Variants in CYTH4 observed in about 807,000 individuals in gnomAD.
CYTH4 encodes the protein cytohesin 4.
Under a neutral mutation model 57.5 loss-of-function variants are expected in CYTH4, and 22 were observed. That is an observed-to-expected ratio of 0.38 (90% CI 0.27 to 0.55). CYTH4 has a LOEUF of 0.55. Ranked by LOEUF, CYTH4 falls within the 20% of genes least tolerant of loss-of-function variation. The probability of loss-of-function intolerance (pLI) is 0.74; values close to 1 mark genes in which losing one functional copy is unlikely to be tolerated. For missense variants in CYTH4, 420 were observed against 535.6 expected (o/e 0.78, Z 2.13); for synonymous variants, 186 against 206.5 (o/e 0.90, Z 0.85).
At chr22:37,292,543 A>G in intron 1 of CYTH4, 78 bp from the exon 2 acceptor site, 1 of 1,464,368 alleles carries the variant, frequency 6.8e-7, no homozygotes, top group Non-Finnish European at 9.5e-7. Flanking sequence ...TTCCGGAGGG[A>G]AGGGGGCCCT....
At position 37,311,320 on chromosome 22, in the gene CYTH4, G is replaced by T; in HGVS notation, c.886-136G>T. The T allele has an allele frequency of 2.4e-6, 2 of 822,266 alleles. No individual in the cohort carries two copies. The highest frequency in any genetic ancestry group is 3.1e-5 in the South Asian group (2 of 64,174). The allele number at this position is 822,266 out of a possible 1,614,324, so 50.9% of individuals were successfully genotyped here. A position where few individuals can be genotyped will look rare whatever the true frequency, so the allele number is the denominator to read the frequency against. On this transcript the variant is annotated intron_variant, in intron 10 of 12. Transcript: ENST00000248901. The surrounding 1 kb of genome is among the most constrained non-coding windows in gnomAD (Gnocchi z 4.4). ...TCTTCACATGCTGCTTCTAACTTCC[G>T]TCCCCCTATGACTGGACAGTCTCGG...
In CYTH4 at chr22:37,296,051, A is replaced by G. The variant is rs16998061; in HGVS notation, c.220A>G (p.Met74Val). 3.7e-3 allele frequency: 5,992 copies of G among 1,613,002 alleles called. 199 individuals carry two copies. The African/African-American group carries it at 0.07, about 19-fold the overall frequency. Reference protein sequence around the residue: ...ELCIGRKKFNMDPAKGIQYFI... With the variant: ...ELCIGRKKFNVDPAKGIQYFI... The stretch of plus-strand genomic sequence containing the variant: ...GTGTATTGGGCGCAAGAAGTTCAAC[A>G]TGGACCCCGCCAAGGTAGGTGGCTG... Residue 74 changes from methionine (M) to valine (V), a missense_variant, in exon 4 of 13, where the codon ATG becomes GTG. Physicochemically the swap from Met to Val is conservative, Grantham distance 21. Coordinates refer to ENST00000248901, the MANE Select transcript of CYTH4 (RefSeq NM_013385.5).
intron 2 of CYTH4, among the ~76,000 whole-genome samples, chr22:37,293,112 C>A (rs911999645): frequency 6.6e-6 from 1 of 152,230 alleles, no homozygotes; most frequent in African/African-American, 2.4e-5. Flanking sequence ...GACGTCAGCT[C>A]ATCTGGGTCA....
At chr22:37,308,810 A>C (rs1218581888) in intron 8 of CYTH4, among the ~76,000 whole-genome samples, 2 of 151,756 alleles carry the variant, frequency 1.3e-5, no homozygotes, top group Non-Finnish European at 2.9e-5. Context: ...ATGTGTGTGC[A>C]TGTATGTGTG....
At chr22:37,310,185 C>CCCCA (rs1929589708) in intron 9 of CYTH4, among the ~76,000 whole-genome samples, 2 of 152,166 alleles carry the variant, frequency 1.3e-5, no homozygotes, top group Non-Finnish European at 2.9e-5. Context: ...CCACACCACA[C>CCCCA]CCCAGTCCAT....
In CYTH4 at chr22:37,299,298, G is replaced by C; in HGVS notation, c.426G>C (p.Gln142His). Reference sequence around the variant, plus strand: ...AGTTCGCCAACCTCAACCTCGTCCAGGCCCTCAGGTGAGTAGTCCTGGGGC... The same window carrying C: ...AGTTCGCCAACCTCAACCTCGTCCACGCCCTCAGGTGAGTAGTCCTGGGGC... ...CHEFANLNLV[Q>H]ALRQFLWSFR... The change falls in exon 6 of 13, where the codon CAG (glutamine) becomes CAC (histidine). Residue 142 changes from glutamine to histidine, a missense_variant. By Grantham distance (24) the Gln-to-His change is conservative. Transcript: ENST00000248901. 2 of 1,613,846 alleles carry C rather than the reference G, an allele frequency of 1.2e-6. No individual in the cohort carries two copies. Among genetic ancestry groups the C allele is most frequent in the Non-Finnish European group, 8.5e-7 (1 of 1,179,834 alleles).
chr22:37,309,951 C>T (rs779073105), intron 9 of CYTH4: 11 of 459,662 alleles, frequency 2.4e-5, no homozygotes, highest in African/African-American at 6.0e-5. Context: ...AGTGCCCGGC[C>T]GTCTGCCCCT....
chr22:37,313,984 CG>C lies in CYTH4; in HGVS notation c.*476del, dbSNP rs1929752307. On this transcript the variant is annotated 3_prime_UTR_variant, in exon 13 of 13. Transcript: ENST00000248901. ...TCTCTGCCAACCCCTCCCCTGTCCT[CG>C]GGTTGGGCTTGGCCCTCTCTGCCTG... The C allele has an allele frequency of 8.0e-6, 2 of 249,182 alleles. No homozygotes were observed. Among genetic ancestry groups the C allele is most frequent in the Non-Finnish European group, 1.5e-5 (2 of 129,502 alleles). 15.4% of individuals were successfully genotyped at this position (249,182 alleles called of 1,614,324 possible). A position where few individuals can be genotyped will look rare whatever the true frequency, so the allele number is the denominator to read the frequency against.
chr22:37,290,722 A>T (rs1314615023), intron 1 of CYTH4, among the ~76,000 whole-genome samples: 3 of 152,126 alleles, frequency 2.0e-5, no homozygotes, highest in Admixed American at 1.3e-4. Flanking sequence ...GTTATCCAGG[A>T]TGGTCTCGAT....
chr22:37,306,129 G>C (rs1016348873), intron 8 of CYTH4, among the ~76,000 whole-genome samples: 4 of 152,204 alleles, frequency 2.6e-5, no homozygotes, highest in Non-Finnish European at 4.4e-5. Context: ...CAGGCGCCTG[G>C]CACTTGGCAG....
Position 37,311,830 on chromosome 22 carries a change from G to A in CYTH4, c.958-190G>A. 1.3e-6 allele frequency: 1 copy of A among 776,736 alleles called. No individual in the cohort carries two copies. The highest frequency in any genetic ancestry group is 2.0e-6 in the Non-Finnish European group (1 of 496,924). The allele number at this position is 776,736 out of a possible 1,614,324, so 48.1% of individuals were successfully genotyped here. A position where few individuals can be genotyped will look rare whatever the true frequency, so the allele number is the denominator to read the frequency against. ...GCCCACATGTCACGTGGGGACTTTA[G>A]GGAGGATGGTGGATTCAGGAGCCTG... On this transcript the variant is annotated intron_variant, in intron 11 of 12. Transcript: ENST00000248901. The surrounding 1 kb of genome is among the most constrained non-coding windows in gnomAD (Gnocchi z 4.4).
At chr22:37,304,070 G>T in intron 8 of CYTH4, 2 of 426,460 alleles carry the variant, frequency 4.7e-6, no homozygotes, top group Non-Finnish European at 9.5e-6. Context: ...CTCTGGAGAC[G>T]CAGATCTGCT....
chr22:37,285,916 G>A (rs1211281678), intron 1 of CYTH4, among the ~76,000 whole-genome samples: 1 of 152,110 alleles, frequency 6.6e-6, no homozygotes, highest in East Asian at 1.9e-4. Context: ...ACCTATTCGG[G>A]ACAGGACCCC....
Position 37,311,110 on chromosome 22 carries a change from G to T in CYTH4, c.885+46G>T, listed in dbSNP as rs779596631. The T allele has an allele frequency of 1.9e-6, 3 of 1,599,882 alleles. No homozygotes were observed. The highest frequency in any genetic ancestry group is 2.6e-6 in the Non-Finnish European group (3 of 1,168,042). The stretch of plus-strand genomic sequence containing the variant: ...CCTTCCCCTGCCCCCGCCTCTCCCC[G>T]CACAACCCACTTCCCAACTCCCACT... On this transcript the variant is annotated intron_variant, in intron 10 of 12. Coordinates refer to ENST00000248901, the MANE Select transcript of CYTH4 (RefSeq NM_013385.5). This position sits in a 1 kb window ranked among gnomAD's most constrained non-coding sequence, Gnocchi z 4.4.
chr22:37,299,079 G>C (rs1929081687), intron 5 of CYTH4, 147 bp from the exon 6 acceptor site: 1 of 660,244 alleles, frequency 1.5e-6, no homozygotes, highest in Middle Eastern at 2.9e-4. Flanking sequence ...ATATGGGTGG[G>C]ACAGATGTGA....
At position 37,309,343 on chromosome 22, in the gene CYTH4, A is replaced by T; in HGVS notation, c.808+20A>T. Reference sequence around the variant, plus strand: ...AGCTAGGTGAGAGACCGACAGACACACGTCGTCGCACACACACTCATGCAC... The same window carrying T: ...AGCTAGGTGAGAGACCGACAGACACTCGTCGTCGCACACACACTCATGCAC... On this transcript the variant is annotated intron_variant, in intron 9 of 12. Transcript: ENST00000248901. 5.0e-6 allele frequency: 8 copies of T among 1,599,870 alleles called. No homozygotes were observed. Among genetic ancestry groups the T allele is most frequent in the Non-Finnish European group, 6.9e-6 (8 of 1,167,174 alleles).
At chr22:37,310,946 CAGG>C (rs747476658) in intron 9 of CYTH4, 39 bp from the exon 10 acceptor site, 6 of 1,607,304 alleles carry the variant, frequency 3.7e-6, no homozygotes, top group Admixed American at 1.7e-5. Flanking sequence ...GTCAGTGGCC[CAGG>C]AGGAGGACTG....
intron 7 of CYTH4, chr22:37,302,006 C>T (rs1278964451): frequency 5.9e-6 from 1 of 169,036 alleles, no homozygotes; most frequent in African/African-American, 2.4e-5. Flanking sequence ...GCCAAAGTTA[C>T]TCAATCCATA....
At chr22:37,299,176 C>T in intron 5 of CYTH4, 50 bp from the exon 6 acceptor site, 1 of 1,482,360 alleles carries the variant, frequency 6.7e-7, no homozygotes, top group Admixed American at 1.7e-5. Context: ...GAGGTGGGTG[C>T]CAGCAAGTAT....
Sources: allele counts gnomAD v4.1 joint callset (sites outside exome capture counted in the v4.1 genomes callset), GRCh38; gene constraint gnomAD v4.1.1; non-coding constraint Gnocchi (gnomAD v3.1); transcripts MANE v1.5; gene names NCBI Gene and HGNC (gene_info 2026-07-23, HGNC 2026-07-21).